NECAB1: variants seen among roughly 807,000 people sequenced by gnomAD.
NECAB1 encodes the protein N-terminal EF-hand calcium-binding protein 1.
A neutral mutation model predicts 57.5 loss-of-function variants in NECAB1; 29 were observed. That is an observed-to-expected ratio of 0.50 (90% CI 0.38 to 0.69). The LOEUF (loss-of-function observed/expected upper bound fraction) is 0.69, where lower values mean the gene tolerates loss of function less well. Among genes scored for constraint, NECAB1 ranks in the 30% least tolerant of loss-of-function variants. The pLI is 0.00. For missense variants in NECAB1, 372 were observed against 413.8 expected (o/e 0.90, Z 0.88); for synonymous variants, 142 against 147.7 (o/e 0.96, Z 0.28).
chr8:90,927,714 C>T (rs894591243), intron 7 of NECAB1, among the ~76,000 whole-genome samples: 2 of 151,532 alleles, frequency 1.3e-5, no homozygotes, highest in Admixed American at 1.3e-4. Context: ...CCAGTCTGCA[C>T]TCTTAACCAC....
intron 5 of NECAB1, among the ~76,000 whole-genome samples, chr8:90,881,441 G>C (rs970413373): frequency 1.3e-5 from 2 of 152,144 alleles, no homozygotes; most frequent in African/African-American, 2.4e-5. Flanking sequence ...ATGTCGAATT[G>C]TAATCCCCAG....
intron 3 of NECAB1, among the ~76,000 whole-genome samples, chr8:90,833,912 C>T (rs1408925638): frequency 1.3e-5 from 2 of 152,046 alleles, no homozygotes; most frequent in Non-Finnish European, 1.5e-5. Flanking sequence ...CCTGTAATCC[C>T]AGTACTTTGG....
At chr8:90,888,978 G>A (rs1056031080) in intron 5 of NECAB1, among the ~76,000 whole-genome samples, 1 of 152,084 alleles carries the variant, frequency 6.6e-6, no homozygotes, top group Non-Finnish European at 1.5e-5. Flanking sequence ...TCACTTTTTA[G>A]GACTACCAAT....
chr8:90,941,592 A>G (rs1318748285), intron 10 of NECAB1, among the ~76,000 whole-genome samples: 4 of 152,184 alleles, frequency 2.6e-5, no homozygotes, highest in African/African-American at 4.8e-5. Flanking sequence ...GTAACTCTCT[A>G]ATGAGTATCT....
At chr8:90,803,149 G>A (rs1243723749) in intron 2 of NECAB1, among the ~76,000 whole-genome samples, 1 of 152,098 alleles carries the variant, frequency 6.6e-6, no homozygotes, top group Non-Finnish European at 1.5e-5. Flanking sequence ...CACCCTCTTC[G>A]GCCTCCCAAA....
intron 5 of NECAB1, among the ~76,000 whole-genome samples, chr8:90,902,007 G>T (rs1399485971): frequency 6.6e-6 from 1 of 152,084 alleles, no homozygotes; most frequent in East Asian, 1.9e-4. Context: ...ACTTTGCACA[G>T]TTATATTTAC....
At chr8:90,867,669 A>G (rs1808545305) in intron 3 of NECAB1, among the ~76,000 whole-genome samples, 1 of 152,266 alleles carries the variant, frequency 6.6e-6, no homozygotes, top group Admixed American at 6.5e-5. Context: ...AATTATACAA[A>G]TGCACCACTG....
rs1486894718 is a variant in NECAB1, at chr8:90,841,259, C to CA, written c.233+16442dup. Among the ~76,000 whole-genome samples the CA allele has an allele frequency of 2.8e-5, 3 of 105,750 alleles. No individual in the cohort carries two copies. The Admixed American group carries it at 2.8e-4, about 10-fold the overall frequency. The allele number at this position is 105,750 out of a possible 152,430, so 69.4% of individuals were successfully genotyped here. On this transcript the variant is annotated intron_variant, in intron 3 of 12. Transcript: ENST00000417640. ...TAGGTGACAGAGCGAGACTCTGTCT[C>CA]AAAAAAAATAAAAAAAAAAAAGGGA...
chr8:90,881,712 G>A lies in NECAB1; in HGVS notation c.357+582G>A, dbSNP rs141817746. Among the ~76,000 whole-genome samples, 39 of 152,292 alleles carry A rather than the reference G, an allele frequency of 2.6e-4. No individual in the cohort carries two copies. The East Asian group carries it at 7.5e-3, about 29-fold the overall frequency. On this transcript the variant is annotated intron_variant, in intron 5 of 12. Transcript: ENST00000417640. ...CTTCCTGTACAGCCTGCAGAACTGT[G>A]AGCCAATTAAACCTCCTTTCTTTAT...
At chr8:90,926,656 T>C (rs1350600732) in intron 7 of NECAB1, among the ~76,000 whole-genome samples, 1 of 152,192 alleles carries the variant, frequency 6.6e-6, no homozygotes, top group African/African-American at 2.4e-5. Context: ...CCACTCCTCA[T>C]GTAGCCTCCT....
At position 90,821,119 on chromosome 8, in the gene NECAB1, A is replaced by G. The variant is rs923605896; in HGVS notation, c.125-3598A>G. ...TGGTAACTCCCAAGCATACACCTCA[A>G]GCCCCCATCGCCCATTGACTTTTCT... On this transcript the variant is annotated intron_variant, in intron 2 of 12. Coordinates refer to ENST00000417640, the MANE Select transcript of NECAB1 (RefSeq NM_022351.5). Among the ~76,000 whole-genome samples the G allele has an allele frequency of 5.2e-4, 79 of 151,792 alleles. 1 individual carries two copies. The highest frequency in any genetic ancestry group is 1.9e-3 in the African/African-American group (78 of 41,362).
intron 2 of NECAB1, among the ~76,000 whole-genome samples, chr8:90,821,920 A>G (rs1812150032): frequency 6.6e-6 from 1 of 151,852 alleles, no homozygotes. Flanking sequence ...TTATCCCAAG[A>G]CTGTGGTCTA....
intron 3 of NECAB1, among the ~76,000 whole-genome samples, chr8:90,841,241 CAG>C (rs1812450443): frequency 6.7e-6 from 1 of 148,494 alleles, no homozygotes; most frequent in South Asian, 2.1e-4. Flanking sequence ...GCCTAGGTGA[CAG>C]AGCGAGACTC....
At chr8:90,946,749 C>T (rs1232575821) in intron 10 of NECAB1, among the ~76,000 whole-genome samples, 1 of 152,172 alleles carries the variant, frequency 6.6e-6, no homozygotes, top group Non-Finnish European at 1.5e-5. Context: ...TTCCCAGAGT[C>T]CCTGCTTCCC....
chr8:90,837,899 T>C (rs952381194), intron 3 of NECAB1, among the ~76,000 whole-genome samples: 2 of 152,232 alleles, frequency 1.3e-5, no homozygotes, highest in Non-Finnish European at 2.9e-5. Context: ...ATTGTTTCTT[T>C]TCATTTCAAC....
At chr8:90,803,591 G>T (rs750320964) in intron 2 of NECAB1, among the ~76,000 whole-genome samples, 11 of 152,128 alleles carry the variant, frequency 7.2e-5, no homozygotes, top group Non-Finnish European at 1.5e-4. Context: ...TGCATGAAGT[G>T]GTCACTTGCA....
intron 3 of NECAB1, among the ~76,000 whole-genome samples, chr8:90,838,497 C>G (rs1366584757): frequency 2.0e-5 from 3 of 152,166 alleles, no homozygotes; most frequent in Non-Finnish European, 4.4e-5. Context: ...GTTCAGGCAC[C>G]AAGTAGGCAC....
intron 4 of NECAB1, among the ~76,000 whole-genome samples, chr8:90,877,532 C>A (rs1042772296): frequency 6.6e-6 from 1 of 152,116 alleles, no homozygotes; most frequent in African/African-American, 2.4e-5. Flanking sequence ...TAGTGTTTCT[C>A]AAACTTAAAT....
intron 3 of NECAB1, among the ~76,000 whole-genome samples, chr8:90,850,369 A>G (rs1250469664): frequency 6.6e-6 from 1 of 152,238 alleles, no homozygotes; most frequent in Non-Finnish European, 1.5e-5. Flanking sequence ...AAAGGAGCAC[A>G]TTTTCCCACT....
Sources: allele counts gnomAD v4.1 joint callset (sites outside exome capture counted in the v4.1 genomes callset), GRCh38; gene constraint gnomAD v4.1.1; transcripts MANE v1.5; gene names NCBI Gene and HGNC (gene_info 2026-07-23, HGNC 2026-07-21).